Variants in ZCCHC7 observed in about 807,000 individuals in gnomAD.
ZCCHC7 encodes zinc finger CCHC-type containing 7.
In ZCCHC7, 35 loss-of-function variants were observed where a neutral mutation model predicts 52.0. The observed-to-expected ratio is 0.67, with a 90% CI of 0.51 to 0.89. The LOEUF is 0.89. ZCCHC7 is among the 40% of genes least tolerant of loss of function. ZCCHC7 has a pLI of 0.00. For synonymous variants in ZCCHC7, 217 were observed against 221.5 expected, an observed-to-expected ratio of 0.98 and a Z score of 0.18; for missense variants, 574 against 649.1, an observed-to-expected ratio of 0.88 and a Z score of 1.26.
intron 2 of ZCCHC7, among the ~76,000 whole-genome samples, chr9:37,253,903 G>A (rs1826449712): frequency 6.6e-6 from 1 of 151,818 alleles, no homozygotes; most frequent in Admixed American, 6.6e-5. Context: ...TATTATATAT[G>A]CACTTATAAT....
chr9:37,300,691 T>C (rs1459855019), intron 2 of ZCCHC7, among the ~76,000 whole-genome samples: 1 of 152,196 alleles, frequency 6.6e-6, no homozygotes, highest in Non-Finnish European at 1.5e-5. Flanking sequence ...CAAGCTTGAT[T>C]TGTGTTTTTG....
intron 2 of ZCCHC7, among the ~76,000 whole-genome samples, chr9:37,197,502 T>C (rs1823350562): frequency 1.3e-5 from 2 of 152,196 alleles, no homozygotes; most frequent in South Asian, 2.1e-4. Context: ...GGGTGCAGTC[T>C]GGAAGGAAAG....
In ZCCHC7 at chr9:37,155,097, A is replaced by G. The variant is rs142860640; in HGVS notation, c.610+28155A>G. On this transcript the variant is annotated intron_variant, in intron 2 of 8. Transcript: ENST00000336755. ...GATGGCGGGCGGGGTGTAGTGGCTC[A>G]CACCTGTAATCCCAGCACTTTGGGA... 5.8e-3 allele frequency among the ~76,000 whole-genome samples: 880 copies of G among 152,272 alleles called. 23 individuals are homozygous for G. The highest frequency in any genetic ancestry group is 0.048 in the East Asian group (250 of 5,176).
At chr9:37,289,412 G>A (rs933457533) in intron 2 of ZCCHC7, among the ~76,000 whole-genome samples, 1 of 152,112 alleles carries the variant, frequency 6.6e-6, no homozygotes, top group Non-Finnish European at 1.5e-5. Flanking sequence ...GCCTCCCAAA[G>A]TGCTGGGATT....
chr9:37,295,509 G>A (rs923731643), intron 2 of ZCCHC7, among the ~76,000 whole-genome samples: 2 of 152,170 alleles, frequency 1.3e-5, no homozygotes, highest in African/African-American at 4.8e-5. Flanking sequence ...GAAATAGTCA[G>A]AAGATATTTC....
chr9:37,208,112 A>C (rs1564179266), intron 2 of ZCCHC7, among the ~76,000 whole-genome samples: 2 of 152,038 alleles, frequency 1.3e-5, no homozygotes. Flanking sequence ...GTTTGTTTTC[A>C]GACAAGGTCT....
intron 6 of ZCCHC7, among the ~76,000 whole-genome samples, chr9:37,328,842 G>A (rs1031746606): frequency 6.6e-6 from 1 of 151,892 alleles, no homozygotes. Flanking sequence ...TTCACATTTT[G>A]TGATTACCAT....
intron 6 of ZCCHC7, among the ~76,000 whole-genome samples, chr9:37,342,044 A>G (rs2118498493): frequency 6.6e-6 from 1 of 152,294 alleles, no homozygotes; most frequent in Non-Finnish European, 1.5e-5. Flanking sequence ...TATAAGGATC[A>G]TCTTTGGTTT....
At position 37,345,060 on chromosome 9, in the gene ZCCHC7, C is replaced by T. The variant is rs117727367; in HGVS notation, c.988-4297C>T. On this transcript the variant is annotated intron_variant, in intron 6 of 8. Coordinates refer to ENST00000336755, the MANE Select transcript of ZCCHC7 (RefSeq NM_032226.3). ...CTTTCTACTTATAATAAATCCATTA[C>T]AATCTGGCTTGTACCTCTACCCCTC... is the stretch of plus-strand genomic sequence containing the variant. 2.2e-3 allele frequency among the ~76,000 whole-genome samples: 334 copies of T among 152,276 alleles called. 3 individuals are homozygous for T. In the East Asian group the frequency reaches 0.029, roughly 13 times the overall value.
chr9:37,235,531 C>T (rs1588527093), intron 2 of ZCCHC7, among the ~76,000 whole-genome samples: 1 of 79,532 alleles, frequency 1.3e-5, no homozygotes, highest in Admixed American at 1.5e-4. Context: ...CCTCCCTTCC[C>T]CTCCCCCCTC....
chr9:37,213,658 T>C (rs1213815992), intron 2 of ZCCHC7, among the ~76,000 whole-genome samples: 1 of 152,182 alleles, frequency 6.6e-6, no homozygotes, highest in Non-Finnish European at 1.5e-5. Flanking sequence ...AAGAATAGCC[T>C]GGATACATGA....
At chr9:37,132,532 A>G (rs1031227744) in intron 2 of ZCCHC7, among the ~76,000 whole-genome samples, 7 of 151,136 alleles carry the variant, frequency 4.6e-5, no homozygotes, top group African/African-American at 1.5e-4. Context: ...ATGTATGTGT[A>G]TGTGTGTGTA....
chr9:37,271,234 C>T (rs1482911646), intron 2 of ZCCHC7, among the ~76,000 whole-genome samples: 1 of 152,184 alleles, frequency 6.6e-6, no homozygotes, highest in Non-Finnish European at 1.5e-5. Context: ...CTAGATCCAA[C>T]TACAAGTTTA....
intron 2 of ZCCHC7, among the ~76,000 whole-genome samples, chr9:37,210,112 T>G (rs530270764): frequency 6.6e-6 from 1 of 152,336 alleles, no homozygotes; most frequent in Admixed American, 6.5e-5. Flanking sequence ...AGTCCTTTCC[T>G]GCCAGCTTGA....
intron 6 of ZCCHC7, among the ~76,000 whole-genome samples, chr9:37,338,900 TTAA>T (rs1400981428): frequency 6.6e-6 from 1 of 152,176 alleles, no homozygotes; most frequent in African/African-American, 2.4e-5. Flanking sequence ...CATGTGTGGC[TTAA>T]TGATGTAATC....
intron 2 of ZCCHC7, among the ~76,000 whole-genome samples, chr9:37,136,273 CAT>C (rs1272354053): frequency 2.0e-5 from 3 of 152,004 alleles, no homozygotes; most frequent in African/African-American, 4.8e-5. Flanking sequence ...TTATTAAAGT[CAT>C]AAAGAAAAAT....
At chr9:37,166,089 A>G (rs1821401306) in intron 2 of ZCCHC7, among the ~76,000 whole-genome samples, 1 of 152,274 alleles carries the variant, frequency 6.6e-6, no homozygotes, top group South Asian at 2.1e-4. Context: ...TGTTTATAAT[A>G]TTCCCTCAGT....
At chr9:37,180,999 C>T (rs1408850100) in intron 2 of ZCCHC7, among the ~76,000 whole-genome samples, 4 of 152,052 alleles carry the variant, frequency 2.6e-5, no homozygotes, top group African/African-American at 9.7e-5. Flanking sequence ...TGCCATAGTG[C>T]TTAATGAAAA....
chr9:37,179,362 A>G (rs762130917), intron 2 of ZCCHC7, among the ~76,000 whole-genome samples: 7 of 152,186 alleles, frequency 4.6e-5, no homozygotes, highest in Non-Finnish European at 1.0e-4. Flanking sequence ...AAATTTCCCA[A>G]TTTACCTGCC....
Sources: gnomAD v4.1 joint callset for allele counts (sites outside exome capture counted in the v4.1 genomes callset) on GRCh38, gnomAD v4.1.1 for gene constraint, MANE v1.5 for transcripts, NCBI Gene and HGNC (gene_info 2026-07-23, HGNC 2026-07-21) for gene names.